Variants in EDN3 observed in about 807,000 individuals in gnomAD.
EDN3 encodes the protein endothelin 3, also known as endothelin-3.
Under a neutral mutation model 21.4 loss-of-function variants are expected in EDN3, and 9 were observed. That is an observed-to-expected ratio of 0.42 (90% confidence interval 0.25 to 0.73). EDN3 has a LOEUF of 0.73. EDN3 is among the 30% of genes least tolerant of loss of function. EDN3 has a pLI of 0.26. For missense variants in EDN3, 327 were observed against 309.4 expected (o/e 1.06, Z -0.43); for synonymous variants, 133 against 126.2 (o/e 1.05, Z -0.36).
intron 2 of EDN3, among the ~76,000 whole-genome samples, chr20:59,313,319 C>T (rs1003221812): frequency 1.3e-5 from 2 of 152,284 alleles, no homozygotes; most frequent in African/African-American, 2.4e-5. Flanking sequence ...CCAGTGGCTC[C>T]GGCTGGACAA....
At position 59,325,867 on chromosome 20, in the gene EDN3, A is replaced by T. The variant is rs1013831825; in HGVS notation, c.*1408A>T. The T allele has an allele frequency of 6.6e-6, 1 of 152,240 alleles. No homozygotes were observed. Among genetic ancestry groups the T allele is most frequent in the Non-Finnish European group, 1.5e-5 (1 of 68,046 alleles). The allele number at this position is 152,240 out of a possible 1,614,324, so 9.4% of individuals were successfully genotyped here. On this transcript the variant is annotated 3_prime_UTR_variant, in exon 5 of 5. Coordinates refer to ENST00000337938, the MANE Select transcript of EDN3 (RefSeq NM_207034.3). The stretch of plus-strand genomic sequence containing the variant: ...TCATACTCCTTAGAGCTTGAATTAC[A>T]TTTTTAAAATGCATATGTGCTGTTT...
chr20:59,322,820 TG>T lies in EDN3; in HGVS notation c.588+405del, dbSNP rs1990633164. Among the ~76,000 whole-genome samples, 1 of 152,200 alleles carries T rather than the reference TG, an allele frequency of 6.6e-6. No homozygotes were observed. On this transcript the variant is annotated intron_variant, in intron 4 of 4. Coordinates refer to ENST00000337938, the MANE Select transcript of EDN3 (RefSeq NM_207034.3). The surrounding 1 kb of genome is among the most constrained non-coding windows in gnomAD (Gnocchi z 4.1). ...TCGCCTCTGCTTCCTTAGCAACATG[TG>T]GTCTTTCTCGTCAAAAAAATCATTT...
intron 2 of EDN3, among the ~76,000 whole-genome samples, chr20:59,309,522 A>G (rs1989653949): frequency 6.6e-6 from 1 of 152,150 alleles, no homozygotes; most frequent in Non-Finnish European, 1.5e-5. Flanking sequence ...TGTGCTTTTG[A>G]GACGGGCATG....
At chr20:59,306,880 C>T (rs1481803749) in intron 2 of EDN3, among the ~76,000 whole-genome samples, 2 of 152,120 alleles carry the variant, frequency 1.3e-5, no homozygotes, top group African/African-American at 4.8e-5. Context: ...CGCGGTGGCT[C>T]ACACCTATAA....
chr20:59,319,879 G>A (rs1990419400), intron 2 of EDN3, among the ~76,000 whole-genome samples: 1 of 152,248 alleles, frequency 6.6e-6, no homozygotes, highest in Non-Finnish European at 1.5e-5. Flanking sequence ...GGACTAGCAA[G>A]AAAACCAATG....
rs114307318 is a variant in EDN3, at chr20:59,322,473, T to G, written c.588+56T>G. On this transcript the variant is annotated intron_variant, in intron 4 of 4. Transcript: ENST00000337938. The surrounding 1 kb of genome is among the most constrained non-coding windows in gnomAD (Gnocchi z 4.1). ...AGGAGGTGAAGATGTGACGTGTCAT[T>G]CCTTCGGGGGTGGGTGGAGGGTGTT... 1 of 1,608,524 alleles carries G rather than the reference T, an allele frequency of 6.2e-7. No homozygotes were observed. Among genetic ancestry groups the G allele is most frequent in the African/African-American group, 1.3e-5 (1 of 74,882 alleles).
rs3026581 is a variant in EDN3 at position 59,319,236 on chromosome 20, C to T, written c.366-1781C>T. The stretch of plus-strand genomic sequence containing the variant: ...AGTTAGTGGGGAGAACAAGAGTCAA[C>T]GAACAGGGTGGGGTCAGTTTTAGGC... On this transcript the variant is annotated intron_variant, in intron 2 of 4. Coordinates refer to ENST00000337938, the MANE Select transcript of EDN3 (RefSeq NM_207034.3). 5.1e-3 allele frequency among the ~76,000 whole-genome samples: 777 copies of T among 151,656 alleles called. 13 individuals carry two copies. The highest frequency in any genetic ancestry group is 0.017 in the African/African-American group (705 of 41,290).
At chr20:59,302,704 C>A (rs1303354528) in intron 2 of EDN3, among the ~76,000 whole-genome samples, 2 of 152,194 alleles carry the variant, frequency 1.3e-5, no homozygotes, top group South Asian at 4.2e-4. Flanking sequence ...TTGCTTGTAC[C>A]CTATTAGGGA....
intron 2 of EDN3, among the ~76,000 whole-genome samples, chr20:59,313,815 G>A (rs1049128839): frequency 1.3e-5 from 2 of 152,200 alleles, no homozygotes; most frequent in South Asian, 2.1e-4. Context: ...ACCAGAAAGC[G>A]CCTGTGTGTG....
intron 2 of EDN3, among the ~76,000 whole-genome samples, chr20:59,306,883 A>G (rs1600727007): frequency 6.6e-6 from 1 of 152,252 alleles, no homozygotes; most frequent in African/African-American, 2.4e-5. Context: ...GGTGGCTCAC[A>G]CCTATAAACC....
chr20:59,304,687 C>T (rs1232981313), intron 2 of EDN3, among the ~76,000 whole-genome samples: 2 of 152,166 alleles, frequency 1.3e-5, no homozygotes, highest in Non-Finnish European at 2.9e-5. Context: ...ACTACCGAGA[C>T]CCGCTTTGCA....
intron 4 of EDN3, among the ~76,000 whole-genome samples, chr20:59,323,445 G>C (rs113243542): frequency 6.6e-5 from 10 of 152,272 alleles, no homozygotes; most frequent in Non-Finnish European, 1.3e-4. Flanking sequence ...AGACTTGTTG[G>C]GCACCTGCTA....
At chr20:59,301,792 A>T in intron 2 of EDN3, 70 bp downstream of exon 2, 1 of 1,523,750 alleles carries the variant, frequency 6.6e-7, no homozygotes, top group South Asian at 1.1e-5. Flanking sequence ...TCCCAGGAGG[A>T]CCTCACTCCA....
intron 4 of EDN3, 79 bp from the exon 5 acceptor site, chr20:59,324,252 C>A: frequency 6.3e-7 from 1 of 1,586,186 alleles, no homozygotes; most frequent in South Asian, 1.1e-5. Context: ...TTCCCTTTTT[C>A]AGCTTCACAG....
intron 2 of EDN3, among the ~76,000 whole-genome samples, chr20:59,319,357 G>A (rs1223036426): frequency 2.6e-5 from 4 of 151,992 alleles, no homozygotes; most frequent in East Asian, 1.9e-4. Flanking sequence ...CCTCACTGTC[G>A]CAAAAAGGCT....
chr20:59,316,737 G>A (rs967218642), intron 2 of EDN3, among the ~76,000 whole-genome samples: 24 of 152,298 alleles, frequency 1.6e-4, no homozygotes, highest in African/African-American at 4.6e-4. Context: ...TTGGGAAAAC[G>A]TGACAAATAA....
chr20:59,311,876 G>C (rs1454338606), intron 2 of EDN3, among the ~76,000 whole-genome samples: 1 of 152,136 alleles, frequency 6.6e-6, no homozygotes, highest in African/African-American at 2.4e-5. Flanking sequence ...AATTAGGTTA[G>C]GTGGAAGATG....
rs189609187 is a variant in EDN3, at chr20:59,306,296, C to T, written c.365+4574C>T. Among the ~76,000 whole-genome samples the T allele has an allele frequency of 2.0e-5, 3 of 152,230 alleles. No individual in the cohort carries two copies. In the East Asian group the frequency reaches 5.8e-4, roughly 29 times the overall value. Reference sequence around the variant, plus strand: ...GTGGAAAATTTGGGATTTGCAGTCCCGACTTGTGGAGAAGACTCCAGAACC... The same window carrying T: ...GTGGAAAATTTGGGATTTGCAGTCCTGACTTGTGGAGAAGACTCCAGAACC... On this transcript the variant is annotated intron_variant, in intron 2 of 4. Coordinates refer to ENST00000337938, the MANE Select transcript of EDN3 (RefSeq NM_207034.3).
Position 59,305,385 on chromosome 20 carries a change from C to A in EDN3, c.365+3663C>A, listed in dbSNP as rs964515914. On this transcript the variant is annotated intron_variant, in intron 2 of 4. Coordinates refer to ENST00000337938, the MANE Select transcript of EDN3 (RefSeq NM_207034.3). This position sits in a 1 kb window ranked among gnomAD's most constrained non-coding sequence, Gnocchi z 4.2. ...CGTGTGCTGATGTCCTTGTACACTG[C>A]GGCTGTCCTCTATGAGCAGACTGAA... Among the ~76,000 whole-genome samples, 5 of 152,206 alleles carry A rather than the reference C, an allele frequency of 3.3e-5. No individual in the cohort carries two copies.
Sources: allele counts gnomAD v4.1 joint callset (sites outside exome capture counted in the v4.1 genomes callset), GRCh38; gene constraint gnomAD v4.1.1; non-coding constraint Gnocchi (gnomAD v3.1); transcripts MANE v1.5; gene names NCBI Gene and HGNC (gene_info 2026-07-23, HGNC 2026-07-21).